Variants in TRMT9B observed in about 807,000 individuals in gnomAD.
The protein encoded by TRMT9B is probable tRNA methyltransferase 9B.
A neutral mutation model predicts 11.5 loss-of-function variants in TRMT9B; 16 were observed. The ratio of observed to expected loss-of-function variants is 1.39; its 90% CI spans 0.94 to 2.11. TRMT9B has a LOEUF of 2.11. TRMT9B is among the 30% of genes most tolerant of loss of function. TRMT9B has a pLI of 0.00. For synonymous variants in TRMT9B, 274 were observed against 192.4 expected (o/e 1.42, Z -3.51); for missense variants, 941 against 553.8 (o/e 1.70, Z -7.02).
chr8:12,979,296 A>G (rs1489264509), intron 1 of TRMT9B, among the ~76,000 whole-genome samples: 1 of 152,072 alleles, frequency 6.6e-6, no homozygotes, highest in Non-Finnish European at 1.5e-5. Context: ...GAATTCAAGT[A>G]ATTTGGCAGC....
In TRMT9B at chr8:13,012,758, G is replaced by A. The variant is rs757109794; in HGVS notation, c.229G>A (p.Val77Ile). ...TVGCDYCGPLVEIARNRGCEA... is the reference protein window; with the variant it reads ...TVGCDYCGPLIEIARNRGCEA... ...GGGCTGTGACTACTGTGGGCCACTG[G>A]TAGAGATTGCCCGGAATAGAGGATG... Residue 77 changes from valine (V) to isoleucine (I), a missense_variant, in exon 4 of 5, where the codon GTA (valine) becomes ATA (isoleucine). Coordinates refer to ENST00000524591, the MANE Select transcript of TRMT9B (RefSeq NM_020844.3). 1.9e-6 allele frequency: 3 copies of A among 1,613,986 alleles called. No homozygotes were observed. The South Asian group carries it at 3.3e-5, about 18-fold the overall frequency.
At chr8:12,961,248 C>A (rs1346757313) in intron 1 of TRMT9B, among the ~76,000 whole-genome samples, 1 of 152,250 alleles carries the variant, frequency 6.6e-6, no homozygotes, top group African/African-American at 2.4e-5. Flanking sequence ...AAGAGTGAAT[C>A]CTAATACAGC....
In TRMT9B at chr8:13,021,281, T is replaced by A. The variant is rs1813798485; in HGVS notation, c.602T>A (p.Val201Asp). ...HPPCSECSCS[V>D]CFKEQCGSKR... ...CCTTGCTCTGAGTGTAGCTGTTCTG[T>A]TTGTTTTAAAGAGCAGTGTGGTTCA... Residue 201 changes from valine (V) to aspartate (D), a missense_variant, in exon 5 of 5, where the codon GTT (valine) becomes GAT (aspartate). Coordinates refer to ENST00000524591, the MANE Select transcript of TRMT9B (RefSeq NM_020844.3). The A allele has an allele frequency of 1.1e-5, 18 of 1,613,850 alleles. No individual in the cohort carries two copies. Among genetic ancestry groups the A allele is most frequent in the Non-Finnish European group, 1.5e-5 (18 of 1,179,868 alleles).
intron 4 of TRMT9B, among the ~76,000 whole-genome samples, chr8:13,017,614 C>CTTTTTTTTT (rs34715221): frequency 8.5e-6 from 1 of 117,550 alleles, no homozygotes; most frequent in Non-Finnish European, 1.7e-5. Flanking sequence ...CATTTGTAGG[C>CTTTTTTTTT]TTTTTTTTTT....
In TRMT9B at chr8:12,994,110, T is replaced by C. The variant is rs945936216; in HGVS notation, c.-2+3079T>C. On this transcript the variant is annotated intron_variant, in intron 2 of 4. Coordinates refer to ENST00000524591, the MANE Select transcript of TRMT9B (RefSeq NM_020844.3). ...TGTGCCTGGCAGGCCCCAGTGACACTTGGAGTCTGAGAGAGGTGCAGTTCC... is the reference window on the plus strand; with the variant it reads ...TGTGCCTGGCAGGCCCCAGTGACACCTGGAGTCTGAGAGAGGTGCAGTTCC... Among the ~76,000 whole-genome samples, 3 of 152,306 alleles carry C rather than the reference T, an allele frequency of 2.0e-5. No individual in the cohort carries two copies. The East Asian group carries it at 5.8e-4, about 29-fold the overall frequency.
chr8:12,969,442 C>G (rs892084082), intron 1 of TRMT9B, among the ~76,000 whole-genome samples: 2 of 152,082 alleles, frequency 1.3e-5, no homozygotes, highest in Non-Finnish European at 2.9e-5. Flanking sequence ...CCCCCACACC[C>G]CTGTACTAAA....
At position 13,024,492 on chromosome 8, in the gene TRMT9B, C is replaced by G. The variant is rs1051851633; in HGVS notation, c.*2448C>G. 1.2e-5 allele frequency: 2 copies of G among 167,036 alleles called. No homozygotes were observed. The highest frequency in any genetic ancestry group is 6.6e-5 in the Admixed American group (1 of 15,260). 10.3% of individuals were successfully genotyped at this position (167,036 alleles called of 1,614,324 possible). A position where few individuals can be genotyped will look rare whatever the true frequency, so the allele number is the denominator to read the frequency against. ...AATGGATTGTTCCTCTCTCTGAAGC[C>G]TATTGTCACATGGGTTTTTAATCCT... On this transcript the variant is annotated 3_prime_UTR_variant, in exon 5 of 5. Coordinates refer to ENST00000524591, the MANE Select transcript of TRMT9B (RefSeq NM_020844.3).
intron 1 of TRMT9B, among the ~76,000 whole-genome samples, chr8:12,987,387 T>C (rs545563231): frequency 6.6e-6 from 1 of 152,244 alleles, no homozygotes; most frequent in Non-Finnish European, 1.5e-5. Context: ...GTTGAAAATA[T>C]TATAAGTCAA....
chr8:12,995,284 C>T lies in TRMT9B; in HGVS notation c.-2+4253C>T, dbSNP rs188073513. ...GTTAGAAGCAGTCAAAATGTAATTT[C>T]CATTAGTGATAAATGTGTAAAAAGT... is the stretch of plus-strand genomic sequence containing the variant. On this transcript the variant is annotated intron_variant, in intron 2 of 4. Transcript: ENST00000524591. Among the ~76,000 whole-genome samples the T allele has an allele frequency of 3.9e-3, 593 of 152,236 alleles. 2 individuals carry two copies. Among genetic ancestry groups the T allele is most frequent in the African/African-American group, 0.014 (571 of 41,540 alleles).
intron 1 of TRMT9B, chr8:12,961,716 A>C (rs796911005): frequency 2.1e-5 from 3 of 146,248 alleles, no homozygotes; most frequent in African/African-American, 7.6e-5. Context: ...AAAAAAAAAA[A>C]AAGAAAGAAG....
intron 1 of TRMT9B, among the ~76,000 whole-genome samples, chr8:12,951,124 T>G (rs1800571607): frequency 6.6e-6 from 1 of 152,136 alleles, no homozygotes; most frequent in Admixed American, 6.5e-5. Flanking sequence ...TGTCCAGTTT[T>G]GGGCAAAAAC....
chr8:12,949,171 T>A (rs1585044289), intron 1 of TRMT9B, among the ~76,000 whole-genome samples: 1 of 152,170 alleles, frequency 6.6e-6, no homozygotes, highest in Admixed American at 6.5e-5. Flanking sequence ...TTTCTTTTTT[T>A]ATATACAAAA....
Position 13,012,707 on chromosome 8 carries a change from A to G in TRMT9B, c.178A>G (p.Lys60Glu), listed in dbSNP as rs1053694581. The G allele has an allele frequency of 8.7e-6, 14 of 1,613,730 alleles. No homozygotes were observed. The highest frequency in any genetic ancestry group is 1.0e-5 in the Non-Finnish European group (12 of 1,179,724). ...AGGTTGTGGGACTGGAAAATATCTT[A>G]AAGTGAACAGCCAGGTACATACCGT... The part of the protein sequence containing the change: ...DIGCGTGKYL[K>E]VNSQVHTVGC... Residue 60 changes from lysine to glutamate, a missense_variant, in exon 4 of 5, where the codon AAA becomes GAA. Coordinates refer to ENST00000524591, the MANE Select transcript of TRMT9B (RefSeq NM_020844.3).
chr8:12,948,909 G>A (rs1585043865), intron 1 of TRMT9B, among the ~76,000 whole-genome samples: 1 of 152,280 alleles, frequency 6.6e-6, no homozygotes, highest in Admixed American at 6.5e-5. Context: ...GCAGTGAGCC[G>A]AGATCGCACC....
chr8:13,019,894 C>G (rs1157691916), intron 4 of TRMT9B, among the ~76,000 whole-genome samples: 5 of 152,192 alleles, frequency 3.3e-5, no homozygotes, highest in Non-Finnish European at 7.3e-5. Flanking sequence ...CCTCACACCT[C>G]TGGCTTTCTT....
chr8:12,986,247 A>G (rs1806283267), intron 1 of TRMT9B, among the ~76,000 whole-genome samples: 1 of 152,154 alleles, frequency 6.6e-6, no homozygotes, highest in Non-Finnish European at 1.5e-5. Flanking sequence ...CAATATGCCC[A>G]AGTCTAAAAC....
intron 1 of TRMT9B, among the ~76,000 whole-genome samples, chr8:12,971,155 C>G (rs1222490146): frequency 6.6e-6 from 1 of 152,166 alleles, no homozygotes; most frequent in East Asian, 1.9e-4. Flanking sequence ...TTGAAATAGA[C>G]AATAAAGTTT....
chr8:12,962,656 A>G (rs1202577957), intron 1 of TRMT9B, among the ~76,000 whole-genome samples: 2 of 151,938 alleles, frequency 1.3e-5, no homozygotes, highest in Non-Finnish European at 2.9e-5. Context: ...ACACCCAGCT[A>G]ATTTTTATAT....
intron 1 of TRMT9B, among the ~76,000 whole-genome samples, chr8:12,970,756 T>A (rs756393978): frequency 6.6e-6 from 1 of 152,224 alleles, no homozygotes; most frequent in Non-Finnish European, 1.5e-5. Context: ...CAAGGCTTTT[T>A]ATGACACTTT....
Sources: gnomAD v4.1 joint callset for allele counts (sites outside exome capture counted in the v4.1 genomes callset) on GRCh38, gnomAD v4.1.1 for gene constraint, MANE v1.5 for transcripts, NCBI Gene and HGNC (gene_info 2026-07-23, HGNC 2026-07-21) for gene names.